Variants in DLG1 observed in about 807,000 individuals in gnomAD.
The protein encoded by DLG1 is disks large homolog 1.
DLG1 carries 42 observed loss-of-function variants against 123.4 expected under a neutral mutation model. The observed-to-expected ratio is 0.34, with a 90% confidence interval of 0.27 to 0.44. The LOEUF (loss-of-function observed/expected upper bound fraction) is 0.44, where lower values mean the gene tolerates loss of function less well. DLG1 is among the 20% of genes least tolerant of loss of function. DLG1 has a pLI of 1.00. For synonymous variants in DLG1, 317 were observed against 356.2 expected (o/e 0.89, Z 1.24); for missense variants, 942 against 1,082.6 (o/e 0.87, Z 1.82).
chr3:197,062,849 A>C (rs1736774990), intron 22 of DLG1, among the ~76,000 whole-genome samples: 1 of 152,204 alleles, frequency 6.6e-6, no homozygotes, highest in African/African-American at 2.4e-5. Flanking sequence ...TACTCTTAAC[A>C]ATCCATGGGT....
At chr3:197,164,641 C>T (rs1056858998) in intron 5 of DLG1, among the ~76,000 whole-genome samples, 3 of 151,638 alleles carry the variant, frequency 2.0e-5, no homozygotes, top group African/African-American at 7.3e-5. Flanking sequence ...GTGGCTCATG[C>T]CTGTAATCCT....
intron 11 of DLG1, among the ~76,000 whole-genome samples, chr3:197,121,293 T>A (rs1327533493): frequency 6.6e-6 from 1 of 152,100 alleles, no homozygotes. Flanking sequence ...CTATTTCTTA[T>A]ACCCCAAATC....
chr3:197,156,719 A>G (rs1796569432), intron 5 of DLG1, among the ~76,000 whole-genome samples: 1 of 152,234 alleles, frequency 6.6e-6, no homozygotes, highest in African/African-American at 2.4e-5. Context: ...AAGGTATTAT[A>G]CATTAATAAA....
At position 197,253,924 on chromosome 3, in the gene DLG1, T is replaced by A. The variant is rs577656930; in HGVS notation, c.318+28755A>T. Among the ~76,000 whole-genome samples the A allele has an allele frequency of 3.1e-3, 452 of 144,190 alleles. 2 individuals carry two copies. Among genetic ancestry groups the A allele is most frequent in the African/African-American group, 0.011 (442 of 39,522 alleles). The allele number at this position is 144,190 out of a possible 152,430, so 94.6% of individuals were successfully genotyped here. A position where few individuals can be genotyped will look rare whatever the true frequency, so the allele number is the denominator to read the frequency against. ...ATTAACCCAAAATTAAAGGTTTAAT[T>A]AAAAAAAAAAAGGAAATGGAAATTT... On this transcript the variant is annotated intron_variant, in intron 4 of 24. Coordinates refer to ENST00000667157, the MANE Select transcript of DLG1 (RefSeq NM_001366207.1).
intron 14 of DLG1, among the ~76,000 whole-genome samples, chr3:197,104,015 C>T (rs1444941849): frequency 6.6e-6 from 1 of 152,076 alleles, no homozygotes; most frequent in African/African-American, 2.4e-5. Context: ...CCTTCTTCCC[C>T]CAGGAACTTA....
At chr3:197,293,171 T>C (rs1019205203) in intron 3 of DLG1, among the ~76,000 whole-genome samples, 2 of 152,348 alleles carry the variant, frequency 1.3e-5, no homozygotes, top group Admixed American at 1.3e-4. Flanking sequence ...AGACTTTATC[T>C]TCCTTTATAC....
At chr3:197,231,242 CT>C (rs1162092248) in intron 4 of DLG1, among the ~76,000 whole-genome samples, 1 of 152,082 alleles carries the variant, frequency 6.6e-6, no homozygotes, top group Non-Finnish European at 1.5e-5. Context: ...TATTTGCTGT[CT>C]TTTTGAAACG....
intron 4 of DLG1, among the ~76,000 whole-genome samples, chr3:197,254,878 C>T (rs1756090020): frequency 6.6e-6 from 1 of 151,738 alleles, no homozygotes; most frequent in Non-Finnish European, 1.5e-5. Context: ...TGAAACCCCA[C>T]GTTTACTAAA....
chr3:197,161,730 T>A (rs1478596224), intron 5 of DLG1: 1 of 1,567,078 alleles, frequency 6.4e-7, no homozygotes. Context: ...GAAGAACAGC[T>A]TCTGTTGGCT....
chr3:197,231,013 C>A (rs765947427), intron 4 of DLG1, among the ~76,000 whole-genome samples: 2 of 150,610 alleles, frequency 1.3e-5, no homozygotes, highest in Non-Finnish European at 2.9e-5. Flanking sequence ...ACCTAAGTTT[C>A]CATGGTGACA....
At position 197,201,133 on chromosome 3, in the gene DLG1, C is replaced by G. The variant is rs567797212; in HGVS notation, c.319-6544G>C. Among the ~76,000 whole-genome samples the G allele has an allele frequency of 1.6e-4, 25 of 152,306 alleles. No homozygotes were observed. The Middle Eastern group carries it at 0.01, about 62-fold the overall frequency. The stretch of plus-strand genomic sequence containing the variant: ...GCGCAGTGGCTCACGCCTCTAATCC[C>G]AGCACTTTGGGAGGCCGAGGCGGGA... On this transcript the variant is annotated intron_variant, in intron 4 of 24. Coordinates refer to ENST00000667157, the MANE Select transcript of DLG1 (RefSeq NM_001366207.1).
Position 197,065,287 on chromosome 3 carries a change from C to T in DLG1, c.2362G>A (p.Val788Ile). 1 of 1,602,902 alleles carries T rather than the reference C, an allele frequency of 6.2e-7. No homozygotes were observed. Among genetic ancestry groups the T allele is most frequent in the Non-Finnish European group, 8.5e-7 (1 of 1,176,608 alleles). ...AGTCTGATGCTTACCTTTTCTGCTA[C>T]TTCTCGTACAGACTGAACACTTGTT... Reference protein sequence around the residue: ...YGTSVQSVREVAEKGKHCILD... With the variant: ...YGTSVQSVREIAEKGKHCILD... The change falls in exon 22 of 25, where the codon GTA (valine) becomes ATA (isoleucine). Residue 788 changes from valine to isoleucine, a missense_variant. Val to Ile is a conservative substitution (Grantham distance 29). Transcript: ENST00000667157.
chr3:197,092,890 A>C (rs1437139824), intron 14 of DLG1, among the ~76,000 whole-genome samples: 1 of 152,068 alleles, frequency 6.6e-6, no homozygotes, highest in African/African-American at 2.4e-5. Context: ...TTTGTACTTT[A>C]TTTTCAACTT....
intron 5 of DLG1, among the ~76,000 whole-genome samples, chr3:197,180,067 TGG>T (rs60631930): frequency 0.18 from 15,812 of 87,784 alleles, 1,588 homozygotes; most frequent in South Asian, 0.38. Context: ...GTTTTTTTTT[TGG>T]GGGGGGGGGG....
At chr3:197,261,335 G>C (rs1759350005) in intron 4 of DLG1, among the ~76,000 whole-genome samples, 1 of 152,214 alleles carries the variant, frequency 6.6e-6, no homozygotes, top group South Asian at 2.1e-4. Context: ...CTAGCTACTT[G>C]GGAGGCTGAA....
At chr3:197,288,743 A>AAAAAACATACATACATAC (rs1553827364) in intron 3 of DLG1, among the ~76,000 whole-genome samples, 10 of 72,078 alleles carry the variant, frequency 1.4e-4, no homozygotes, top group Non-Finnish European at 1.9e-4. Flanking sequence ...AAAAAAAAAA[A>AAAAAACATACATACATAC]ATACATACAT....
At chr3:197,064,564 T>G (rs1738240390) in intron 22 of DLG1, among the ~76,000 whole-genome samples, 1 of 152,072 alleles carries the variant, frequency 6.6e-6, no homozygotes, top group Non-Finnish European at 1.5e-5. Context: ...ATATCTTATT[T>G]TTGTGTGAAC....
chr3:197,153,474 TGGGCAGA>T (rs1429669316), intron 5 of DLG1, among the ~76,000 whole-genome samples: 1 of 152,182 alleles, frequency 6.6e-6, no homozygotes, highest in African/African-American at 2.4e-5. Context: ...CAAGCCACGG[TGGGCAGA>T]GAAAATTACA....
At position 197,140,121 on chromosome 3, in the gene DLG1, T is replaced by TA; in HGVS notation, c.713+18dup. ...ACACAAAGTGGATTCAGCATCACAA[T>TA]AAAAAGCGCAAAACATACCGCAATC... On this transcript the variant is annotated intron_variant, in intron 8 of 24. Coordinates refer to ENST00000667157, the MANE Select transcript of DLG1 (RefSeq NM_001366207.1). 6.2e-7 allele frequency: 1 copy of TA among 1,607,352 alleles called. No homozygotes were observed. The highest frequency in any genetic ancestry group is 8.5e-7 in the Non-Finnish European group (1 of 1,176,432).
Sources: allele counts gnomAD v4.1 joint callset (sites outside exome capture counted in the v4.1 genomes callset), GRCh38; gene constraint gnomAD v4.1.1; transcripts MANE v1.5; gene names NCBI Gene and HGNC (gene_info 2026-07-23, HGNC 2026-07-21).